Variants in LSAMP observed in about 807,000 individuals in gnomAD.
LSAMP encodes limbic system-associated membrane protein.
In LSAMP, 7 loss-of-function variants were observed where a neutral mutation model predicts 38.6. The observed-to-expected ratio is 0.18, with a 90% CI of 0.10 to 0.34. The LOEUF (loss-of-function observed/expected upper bound fraction) is 0.34. LSAMP is among the 10% of genes least tolerant of loss of function. The pLI, the probability that LSAMP is intolerant of heterozygous loss-of-function variation, is 1.00. For missense variants in LSAMP, 313 were observed against 420.0 expected (o/e 0.75, Z 2.23); for synonymous variants, 154 against 166.8 (o/e 0.92, Z 0.59).
chr3:116,345,212 T>C (rs925013868), intron 1 of LSAMP, among the ~76,000 whole-genome samples: 8 of 152,206 alleles, frequency 5.3e-5, no homozygotes, highest in African/African-American at 1.9e-4. Flanking sequence ...GTTTGATTCT[T>C]AGTAATTTAT....
At chr3:116,190,098 C>CACAG (rs1337799870) in intron 1 of LSAMP, among the ~76,000 whole-genome samples, 2 of 147,624 alleles carry the variant, frequency 1.4e-5, no homozygotes, top group South Asian at 2.1e-4. Flanking sequence ...GACACACACA[C>CACAG]ACACACACAC....
intron 3 of LSAMP, among the ~76,000 whole-genome samples, chr3:115,947,535 C>T (rs1257908591): frequency 6.6e-6 from 1 of 152,040 alleles, no homozygotes; most frequent in East Asian, 1.9e-4. Context: ...TGATACTGAC[C>T]ACAAGAGAGG....
At chr3:116,209,315 G>A (rs1047567690) in intron 1 of LSAMP, among the ~76,000 whole-genome samples, 2 of 152,168 alleles carry the variant, frequency 1.3e-5, no homozygotes, top group African/African-American at 4.8e-5. Context: ...TCCCTAGTGA[G>A]ATGAACCCAG....
At chr3:115,992,797 GCATTGATATGACTGCT>G (rs1274673705) in intron 3 of LSAMP, among the ~76,000 whole-genome samples, 1 of 152,044 alleles carries the variant, frequency 6.6e-6, no homozygotes, top group Non-Finnish European at 1.5e-5. Context: ...TTAAGAAGTT[GCATTGATATGACTGCT>G]CATTAATATA....
chr3:116,129,677 TG>T (rs1442267993), intron 1 of LSAMP, among the ~76,000 whole-genome samples: 1 of 152,186 alleles, frequency 6.6e-6, no homozygotes, highest in Admixed American at 6.5e-5. Flanking sequence ...CAGCTTCCAG[TG>T]GTCATAGCAC....
chr3:116,235,016 CATT>C (rs1437541580), intron 1 of LSAMP, among the ~76,000 whole-genome samples: 1 of 113,862 alleles, frequency 8.8e-6, no homozygotes, highest in Admixed American at 9.9e-5. Context: ...TTTTATGTAG[CATT>C]ATATTTCCAC....
At chr3:116,284,242 C>A (rs949409322) in intron 1 of LSAMP, among the ~76,000 whole-genome samples, 2 of 152,090 alleles carry the variant, frequency 1.3e-5, no homozygotes, top group African/African-American at 4.8e-5. Flanking sequence ...ACCTGTAAGT[C>A]ATGTTCCCTC....
intron 1 of LSAMP, among the ~76,000 whole-genome samples, chr3:116,323,358 T>C (rs950868861): frequency 6.6e-6 from 1 of 152,094 alleles, no homozygotes; most frequent in Non-Finnish European, 1.5e-5. Flanking sequence ...CAAATCCAGC[T>C]TCTTATGAGT....
At chr3:116,206,031 C>T (rs983975834) in intron 1 of LSAMP, among the ~76,000 whole-genome samples, 7 of 151,934 alleles carry the variant, frequency 4.6e-5, no homozygotes, top group Admixed American at 4.6e-4. Context: ...TGCATCTGGC[C>T]CTGGACTCTT....
At chr3:115,952,949 T>A (rs1296954175) in intron 3 of LSAMP, among the ~76,000 whole-genome samples, 1 of 152,256 alleles carries the variant, frequency 6.6e-6, no homozygotes, top group East Asian at 1.9e-4. Flanking sequence ...TTATTTCATT[T>A]AACCTTGTCA....
intron 1 of LSAMP, among the ~76,000 whole-genome samples, chr3:116,356,722 G>A (rs1196140684): frequency 6.6e-6 from 1 of 152,140 alleles, no homozygotes; most frequent in African/African-American, 2.4e-5. Flanking sequence ...CACCTACTAT[G>A]TATCCATAAT....
chr3:116,183,987 A>C (rs1710550554), intron 1 of LSAMP, among the ~76,000 whole-genome samples: 1 of 151,826 alleles, frequency 6.6e-6, no homozygotes, highest in Admixed American at 6.6e-5. Flanking sequence ...ATAAGCAATA[A>C]GGCTTTTGAA....
intron 4 of LSAMP, among the ~76,000 whole-genome samples, chr3:115,848,079 C>A (rs1038105007): frequency 5.3e-5 from 8 of 152,160 alleles, no homozygotes; most frequent in African/African-American, 1.9e-4. Flanking sequence ...CATTACCTAC[C>A]CACAGGCAAG....
intron 1 of LSAMP, among the ~76,000 whole-genome samples, chr3:116,334,265 G>T (rs1023067420): frequency 2.0e-5 from 3 of 151,974 alleles, no homozygotes; most frequent in Non-Finnish European, 2.9e-5. Context: ...AATCTTCTAA[G>T]AAATAAAAAC....
chr3:116,315,438 T>C (rs2047615849), intron 1 of LSAMP, among the ~76,000 whole-genome samples: 2 of 152,158 alleles, frequency 1.3e-5, no homozygotes, highest in African/African-American at 4.8e-5. Context: ...ATGTTAGAAA[T>C]GGGGACAGAG....
intron 1 of LSAMP, among the ~76,000 whole-genome samples, chr3:116,257,351 A>G (rs764699025): frequency 6.6e-6 from 1 of 152,156 alleles, no homozygotes; most frequent in Admixed American, 6.5e-5. Context: ...TTCTTTTTCT[A>G]TTAAGTAGGG....
chr3:115,828,576 G>A (rs1317211029), intron 6 of LSAMP, among the ~76,000 whole-genome samples: 2 of 152,208 alleles, frequency 1.3e-5, no homozygotes, highest in Non-Finnish European at 2.9e-5. Flanking sequence ...GCCTGTGTCA[G>A]TTTTCTGTCC....
intron 1 of LSAMP, among the ~76,000 whole-genome samples, chr3:116,394,185 C>A (rs955568739): frequency 1.3e-5 from 2 of 152,292 alleles, no homozygotes; most frequent in East Asian, 3.9e-4. Flanking sequence ...GGCTAACATT[C>A]AGATTCTGTG....
intron 3 of LSAMP, among the ~76,000 whole-genome samples, chr3:115,865,691 G>A (rs903205789): frequency 4.6e-5 from 7 of 152,136 alleles, no homozygotes; most frequent in Non-Finnish European, 1.0e-4. Context: ...CCTGGGATGA[G>A]GCTCAGGAAT....
Sources: allele counts gnomAD v4.1 joint callset (sites outside exome capture counted in the v4.1 genomes callset), GRCh38; gene constraint gnomAD v4.1.1; transcripts MANE v1.5; gene names NCBI Gene and HGNC (gene_info 2026-07-23, HGNC 2026-07-21).